HMG20A: variants seen among roughly 807,000 people sequenced by gnomAD.
HMG20A encodes high mobility group 20A, also known as high mobility group protein 20A.
A neutral mutation model predicts 43.9 loss-of-function variants in HMG20A; 17 were observed. The ratio of observed to expected loss-of-function variants is 0.39; its 90% CI spans 0.27 to 0.58. HMG20A has a LOEUF of 0.58. Ranked by LOEUF, HMG20A falls within the 20% of genes least tolerant of loss-of-function variation. The pLI is 0.59. For missense variants in HMG20A, 341 were observed against 438.2 expected, an observed-to-expected ratio of 0.78 and a Z score of 1.98; for synonymous variants, 132 against 147.5, an observed-to-expected ratio of 0.89 and a Z score of 0.76.
the HMG20A span, among the ~76,000 whole-genome samples, chr15:77,514,003 C>T: frequency 3.1e-4 from 47 of 152,282 alleles, no homozygotes; most frequent in African/African-American, 9.9e-4. Context: ...GGATTACAAG[C>T]GTGAGCCACC....
At chr15:77,493,505 A>G in the HMG20A span, among the ~76,000 whole-genome samples, 2 of 152,202 alleles carry the variant, frequency 1.3e-5, no homozygotes, top group Admixed American at 6.5e-5. Flanking sequence ...TGCAGGGGGA[A>G]GTCACTGAAG....
the HMG20A span, among the ~76,000 whole-genome samples, chr15:77,497,779 C>G: frequency 1.3e-5 from 2 of 150,924 alleles, no homozygotes; most frequent in African/African-American, 4.9e-5. Flanking sequence ...ACTTGGACAG[C>G]CTTTCAGTTC....
chr15:77,509,110 T>C, the HMG20A span, among the ~76,000 whole-genome samples: 2 of 152,094 alleles, frequency 1.3e-5, no homozygotes, highest in Admixed American at 6.5e-5. Flanking sequence ...TCATAAACTG[T>C]CAAATGCTGT....
chr15:77,499,276 C>T, the HMG20A span, among the ~76,000 whole-genome samples: 3 of 152,204 alleles, frequency 2.0e-5, no homozygotes, highest in Admixed American at 6.5e-5. Context: ...AGAGCTGAGT[C>T]GCCCTTGCTG....
chr15:77,465,260 CAAAAAAAAAAAA>C (rs71145837), intron 3 of HMG20A, among the ~76,000 whole-genome samples: 14 of 59,188 alleles, frequency 2.4e-4, no homozygotes, highest in African/African-American at 4.7e-4. Flanking sequence ...GACTTCGTCT[CAAAAAAAAAAAA>C]AAAAAAAAAA....
chr15:77,434,934 T>C (rs560258808), intron 1 of HMG20A, among the ~76,000 whole-genome samples: 382 of 152,280 alleles, frequency 2.5e-3, no homozygotes, highest in Non-Finnish European at 4.2e-3. Flanking sequence ...TGGACAAGAA[T>C]GTTCATAGTA....
intron 1 of HMG20A, among the ~76,000 whole-genome samples, chr15:77,446,806 CAAAA>C (rs77491209): frequency 4.0e-5 from 3 of 74,740 alleles, no homozygotes; most frequent in African/African-American, 4.6e-5. Context: ...GACTCCGTCT[CAAAA>C]AAAAAAAAAA....
At position 77,485,569 on chromosome 15, in the gene HMG20A, T is replaced by G. The variant is rs980476598; in HGVS notation, c.*2606T>G. The G allele has an allele frequency of 2.0e-4, 31 of 152,696 alleles. No individual in the cohort carries two copies. The highest frequency in any genetic ancestry group is 7.5e-4 in the African/African-American group (31 of 41,474). The allele number at this position is 152,696 out of a possible 1,614,324, so 9.5% of individuals were successfully genotyped here. On this transcript the variant is annotated 3_prime_UTR_variant, in exon 10 of 10. Coordinates refer to ENST00000336216, the MANE Select transcript of HMG20A (RefSeq NM_001304504.2). Reference sequence around the variant, plus strand: ...TTTTTAAGAAGTTGATGTGCTTGTTTGACATTTGTCTCATTAAAACTTTTC... The same window carrying G: ...TTTTTAAGAAGTTGATGTGCTTGTTGGACATTTGTCTCATTAAAACTTTTC...
intron 4 of HMG20A, among the ~76,000 whole-genome samples, chr15:77,467,545 C>T (rs182828807): frequency 6.6e-6 from 1 of 152,260 alleles, no homozygotes; most frequent in Admixed American, 6.5e-5. Context: ...AGCAACACCA[C>T]TTTTTATACG....
In HMG20A at chr15:77,471,797, G is replaced by T; in HGVS notation, c.598G>T (p.Ala200Ser). The change falls in exon 6 of 10, where the codon GCC (alanine) becomes TCC (serine). Residue 200 changes from alanine (A) to serine (S), a missense_variant. Physicochemically the swap from Ala to Ser is moderately conservative, Grantham distance 99. Coordinates refer to ENST00000336216, the MANE Select transcript of HMG20A (RefSeq NM_001304504.2). ...TATATTTTTAGATGCAGCCCGGCAG[G>T]CCACTCATGATCATGAGGTAATTAG... ...KSHRQDAARQ[A>S]THDHEKETEV... The T allele has an allele frequency of 6.4e-7, 1 of 1,569,172 alleles. No individual in the cohort carries two copies.
At chr15:77,477,479 G>T in intron 6 of HMG20A, 76 bp from the exon 7 acceptor site, 1 of 1,019,014 alleles carries the variant, frequency 9.8e-7, no homozygotes, top group Non-Finnish European at 1.5e-6. Context: ...AAGAAGACAT[G>T]ATCATTGTCT....
chr15:77,453,160 G>A (rs2072619820), intron 1 of HMG20A, among the ~76,000 whole-genome samples: 1 of 152,178 alleles, frequency 6.6e-6, no homozygotes, highest in South Asian at 2.1e-4. Context: ...GAACCCAGGA[G>A]GTAGAGGTTG....
At chr15:77,422,540 C>G (rs1042545716) in intron 1 of HMG20A, among the ~76,000 whole-genome samples, 1 of 152,048 alleles carries the variant, frequency 6.6e-6, no homozygotes, top group Non-Finnish European at 1.5e-5. Flanking sequence ...TGCTTGAACC[C>G]GGGAGGCGGA....
At chr15:77,435,352 T>G (rs921641156) in intron 1 of HMG20A, among the ~76,000 whole-genome samples, 1 of 152,160 alleles carries the variant, frequency 6.6e-6, no homozygotes, top group Non-Finnish European at 1.5e-5. Flanking sequence ...GGCGCGATCT[T>G]GGCTCACTGC....
rs71145838 is a variant in HMG20A, at chr15:77,465,400, G to GT, written c.237+1026dup. Reference sequence around the variant, plus strand: ...AAATTAAATTGTTCTGTTGTTTTTTGTTTTTTTTTTTTTGAGGTGGAGTCT... The same window carrying GT: ...AAATTAAATTGTTCTGTTGTTTTTTGTTTTTTTTTTTTTTGAGGTGGAGTCT... On this transcript the variant is annotated intron_variant, in intron 3 of 9. Transcript: ENST00000336216. 7.7e-3 allele frequency among the ~76,000 whole-genome samples: 1,052 copies of GT among 137,344 alleles called. 12 individuals are homozygous for GT. The highest frequency in any genetic ancestry group is 0.022 in the African/African-American group (812 of 37,126). 90.1% of individuals were successfully genotyped at this position (137,344 alleles called of 152,430 possible).
chr15:77,423,700 A>C (rs772097036), intron 1 of HMG20A, among the ~76,000 whole-genome samples: 22 of 152,214 alleles, frequency 1.4e-4, no homozygotes, highest in Non-Finnish European at 2.1e-4. Flanking sequence ...TGTTATACAT[A>C]ATACAGAAGT....
chr15:77,519,284 G>A, the HMG20A span, among the ~76,000 whole-genome samples: 1 of 152,206 alleles, frequency 6.6e-6, no homozygotes, highest in Non-Finnish European at 1.5e-5. Flanking sequence ...CCTTGAAGTA[G>A]GGAGACAAGC....
the HMG20A span, among the ~76,000 whole-genome samples, chr15:77,516,281 T>C: frequency 6.6e-6 from 1 of 152,140 alleles, no homozygotes; most frequent in Non-Finnish European, 1.5e-5. Context: ...GTCAAGGTTG[T>C]GAACTTTTGC....
At chr15:77,448,299 C>T (rs1371346201) in intron 1 of HMG20A, among the ~76,000 whole-genome samples, 1 of 152,172 alleles carries the variant, frequency 6.6e-6, no homozygotes, top group African/African-American at 2.4e-5. Flanking sequence ...CCCCGGTTAG[C>T]TTTCAGACCT....
Sources: gnomAD v4.1 joint callset for allele counts (sites outside exome capture counted in the v4.1 genomes callset) on GRCh38, gnomAD v4.1.1 for gene constraint, MANE v1.5 for transcripts, NCBI Gene and HGNC (gene_info 2026-07-23, HGNC 2026-07-21) for gene names.